ZNF609: variants seen among roughly 807,000 people sequenced by gnomAD.
ZNF609 encodes zinc finger protein 609.
ZNF609 carries 11 observed loss-of-function variants against 109.5 expected under a neutral mutation model. The ratio of observed to expected loss-of-function variants is 0.10; its 90% confidence interval spans 0.06 to 0.17. ZNF609 has a LOEUF of 0.17. Ranked by LOEUF, ZNF609 falls within the 10% of genes least tolerant of loss-of-function variation. The pLI is 1.00. For missense variants in ZNF609, 1,559 were observed against 1,772.4 expected, an observed-to-expected ratio of 0.88 and a Z score of 2.16; for synonymous variants, 646 against 662.0, an observed-to-expected ratio of 0.98 and a Z score of 0.37.
rs1218241574 is a variant in ZNF609, at chr15:64,479,865, G to A, written c.-128+19027G>A. On this transcript the variant is annotated intron_variant, in intron 1 of 9. Coordinates refer to ENST00000326648, the MANE Select transcript of ZNF609 (RefSeq NM_015042.2). ...ACCCGGGAGGCAGAGGTTGTAGTGA[G>A]CCAAGATTGCACCACTGTACTCCAG... Among the ~76,000 whole-genome samples the A allele has an allele frequency of 2.0e-5, 3 of 151,950 alleles. No individual in the cohort carries two copies. In the East Asian group the frequency reaches 5.9e-4, roughly 30 times the overall value.
Position 64,649,679 on chromosome 15 carries a change from C to T in ZNF609, c.974-20667C>T, listed in dbSNP as rs767579756. 2.8e-4 allele frequency among the ~76,000 whole-genome samples: 43 copies of T among 152,052 alleles called. 1 individual carries two copies. Among genetic ancestry groups the T allele is most frequent in the Admixed American group, 2.4e-3 (36 of 15,252 alleles). On this transcript the variant is annotated intron_variant, in intron 3 of 9. Coordinates refer to ENST00000326648, the MANE Select transcript of ZNF609 (RefSeq NM_015042.2). ...GGGAGAGAAAAGAAAAGTGTATAGA[C>T]GATGTTATCTCTTCTAATAAAGCAT...
At chr15:64,615,353 G>A (rs1244149604) in intron 2 of ZNF609, among the ~76,000 whole-genome samples, 7 of 150,788 alleles carry the variant, frequency 4.6e-5, no homozygotes, top group Non-Finnish European at 8.8e-5. Context: ...ATGTTGCCCA[G>A]GCTGGTCTGA....
At chr15:64,561,773 A>G (rs1894685529) in intron 2 of ZNF609, among the ~76,000 whole-genome samples, 1 of 152,118 alleles carries the variant, frequency 6.6e-6, no homozygotes, top group Non-Finnish European at 1.5e-5. Flanking sequence ...CCAAGACAGT[A>G]TGGCCAAAAA....
chr15:64,568,049 C>G (rs1272757221), intron 2 of ZNF609, among the ~76,000 whole-genome samples: 1 of 152,080 alleles, frequency 6.6e-6, no homozygotes, highest in Non-Finnish European at 1.5e-5. Context: ...CACCTAGATT[C>G]AATAATTGTC....
intron 2 of ZNF609, among the ~76,000 whole-genome samples, chr15:64,541,181 A>T (rs1415801004): frequency 2.6e-5 from 4 of 151,394 alleles, no homozygotes; most frequent in Non-Finnish European, 4.4e-5. Context: ...TAATCCCAGC[A>T]CTTTGGGAGG....
chr15:64,535,005 A>T (rs560102459), intron 2 of ZNF609, among the ~76,000 whole-genome samples: 1 of 151,922 alleles, frequency 6.6e-6, no homozygotes, highest in South Asian at 2.1e-4. Context: ...TGTACTCTGC[A>T]CTTCAGCTTG....
At chr15:64,593,088 A>G in intron 2 of ZNF609, 1 of 1,594,346 alleles carries the variant, frequency 6.3e-7, no homozygotes, top group Admixed American at 1.7e-5. Context: ...AAGGCCATTA[A>G]GAAATTCGTC....
intron 3 of ZNF609, among the ~76,000 whole-genome samples, chr15:64,645,008 T>C (rs77355803): frequency 0.028 from 3,985 of 139,956 alleles, 59 homozygotes; most frequent in Non-Finnish European, 0.036. Context: ...TTTCTTTCTT[T>C]CTTCCTTCCT....
At chr15:64,631,536 T>C (rs1164577311) in intron 3 of ZNF609, 1 of 618,486 alleles carries the variant, frequency 1.6e-6, no homozygotes, top group Non-Finnish European at 3.0e-6. Flanking sequence ...TATTTTCTTT[T>C]CTTTCTTTTT....
At chr15:64,593,188 G>T in intron 2 of ZNF609, 1 of 1,530,090 alleles carries the variant, frequency 6.5e-7, no homozygotes, top group Non-Finnish European at 8.9e-7. Context: ...TGTATGTGAA[G>T]CTGCATTACT....
chr15:64,636,377 C>T (rs180724868), intron 3 of ZNF609, among the ~76,000 whole-genome samples: 124 of 152,280 alleles, frequency 8.1e-4, no homozygotes, highest in African/African-American at 2.3e-3. Context: ...CACCCCTCCC[C>T]GAAGTTGTAC....
At chr15:64,478,328 G>A (rs1351614182) in intron 1 of ZNF609, among the ~76,000 whole-genome samples, 1 of 151,822 alleles carries the variant, frequency 6.6e-6, no homozygotes, top group African/African-American at 2.4e-5. Context: ...AGCCTCCCAG[G>A]TAGCTGGGAC....
rs188888014 is a variant in ZNF609, at chr15:64,551,193, C to G, written c.747+51027C>G. Among the ~76,000 whole-genome samples the G allele has an allele frequency of 9.9e-5, 15 of 152,212 alleles. No individual in the cohort carries two copies. The East Asian group carries it at 2.7e-3, about 27-fold the overall frequency. On this transcript the variant is annotated intron_variant, in intron 2 of 9. Coordinates refer to ENST00000326648, the MANE Select transcript of ZNF609 (RefSeq NM_015042.2). ...ACCTCGGACTCCTGAATATCTGGGA[C>G]TATAGGCATGCACTCTGCCCAGCTG... is the stretch of plus-strand genomic sequence containing the variant.
At chr15:64,670,879 CAA>C (rs112565259) in intron 4 of ZNF609, among the ~76,000 whole-genome samples, 6 of 50,706 alleles carry the variant, frequency 1.2e-4, no homozygotes, top group African/African-American at 1.8e-4. Flanking sequence ...AACTCCATCT[CAA>C]AAAAAAAAAA....
chr15:64,473,118 C>G (rs1893113434), intron 1 of ZNF609, among the ~76,000 whole-genome samples: 1 of 151,502 alleles, frequency 6.6e-6, no homozygotes, highest in South Asian at 2.1e-4. Flanking sequence ...TGAAACCCGC[C>G]TATGCTTTTC....
At chr15:64,579,727 G>A (rs895418834) in intron 2 of ZNF609, among the ~76,000 whole-genome samples, 2 of 151,506 alleles carry the variant, frequency 1.3e-5, no homozygotes, top group South Asian at 2.1e-4. Context: ...AAAAACTTGT[G>A]TTTTTGTATA....
rs34273764 is a variant in ZNF609 at position 64,582,749 on chromosome 15, C to CT, written c.748-40058dup. On this transcript the variant is annotated intron_variant, in intron 2 of 9. Coordinates refer to ENST00000326648, the MANE Select transcript of ZNF609 (RefSeq NM_015042.2). ...TTTTTTTTTTTTTTTGAGACAGAGTCTTTTTTTTTTTTTTTTTTTTGAGAC... is the reference window on the plus strand; with the variant it reads ...TTTTTTTTTTTTTTTGAGACAGAGTCTTTTTTTTTTTTTTTTTTTTTGAGAC... 5.6e-3 allele frequency among the ~76,000 whole-genome samples: 311 copies of CT among 55,872 alleles called. 70 individuals are homozygous for CT. The highest frequency in any genetic ancestry group is 0.012 in the African/African-American group (135 of 11,656). 36.7% of individuals were successfully genotyped at this position (55,872 alleles called of 152,430 possible). A position where few individuals can be genotyped will look rare whatever the true frequency, so the allele number is the denominator to read the frequency against.
intron 3 of ZNF609, among the ~76,000 whole-genome samples, chr15:64,652,591 T>C (rs1896435017): frequency 6.6e-6 from 1 of 152,058 alleles, no homozygotes; most frequent in Admixed American, 6.6e-5. Flanking sequence ...TTTTGCCATG[T>C]TACCTAGGCT....
At chr15:64,603,518 T>G (rs1595735125) in intron 2 of ZNF609, among the ~76,000 whole-genome samples, 1 of 151,180 alleles carries the variant, frequency 6.6e-6, no homozygotes, top group African/African-American at 2.4e-5. Flanking sequence ...ATCTGCCTGC[T>G]TCGGCCTCCC....
Sources: gnomAD v4.1 joint callset for allele counts (sites outside exome capture counted in the v4.1 genomes callset) on GRCh38, gnomAD v4.1.1 for gene constraint, MANE v1.5 for transcripts, NCBI Gene and HGNC (gene_info 2026-07-23, HGNC 2026-07-21) for gene names.